SCG2: variants seen among roughly 807,000 people sequenced by gnomAD.
SCG2 encodes secretogranin-2.
In SCG2, 23 loss-of-function variants were observed where a neutral mutation model predicts 49.5. The observed-to-expected ratio is 0.46, with a 90% confidence interval of 0.33 to 0.66. The LOEUF (loss-of-function observed/expected upper bound fraction) is 0.66. Among genes scored for constraint, SCG2 ranks in the 30% least tolerant of loss-of-function variants. SCG2 has a pLI of 0.01. For synonymous variants in SCG2, 288 were observed against 260.4 expected (o/e 1.11, Z -1.02); for missense variants, 730 against 728.2 (o/e 1.00, Z -0.03).
Position 223,599,242 on chromosome 2 carries a change from G to C in SCG2, c.41C>G (p.Ser14Cys), listed in dbSNP as rs1164067326. Reference sequence around the variant, plus strand: ...GATGAGGAAAATTAAAGGGATAAGAGACAGGGCTGCTCCAAGCCAGTGGGT... The same window carrying C: ...GATGAGGAAAATTAAAGGGATAAGACACAGGGCTGCTCCAAGCCAGTGGGT... ...AKTHWLGAAL[S>C]LIPLIFLISG... The change falls in exon 2 of 2, where the codon TCT becomes TGT. Residue 14 changes from serine to cysteine, a missense_variant. Ser to Cys is a moderately radical substitution (Grantham distance 112, BLOSUM62 -1). Coordinates refer to ENST00000305409, the MANE Select transcript of SCG2 (RefSeq NM_003469.5). The C allele has an allele frequency of 6.2e-7, 1 of 1,601,680 alleles. No individual in the cohort carries two copies. Among genetic ancestry groups the C allele is most frequent in the South Asian group, 1.1e-5 (1 of 90,856 alleles).
In SCG2 at chr2:223,597,510, C is replaced by T; in HGVS notation, c.1773G>A (p.Met591Ile). 6.2e-7 allele frequency: 1 copy of T among 1,614,146 alleles called. No homozygotes were observed. Among genetic ancestry groups the T allele is most frequent in the Non-Finnish European group, 8.5e-7 (1 of 1,180,018 alleles). The change falls in exon 2 of 2, where the codon ATG becomes ATA. Residue 591 changes from methionine to isoleucine, a missense_variant. Physicochemically the swap from Met to Ile is conservative, Grantham distance 10. Transcript: ENST00000305409. Reference protein sequence around the residue: ...NRQYWDEDLLMKVLEYLNQEK... With the variant: ...NRQYWDEDLLIKVLEYLNQEK... ...CTTGGTTGAGGTATTCCAGCACTTT[C>T]ATTAACAGATCTTCATCCCAGTACT...
rs368874989 is a variant in SCG2, at chr2:223,597,813, T to A, written c.1470A>T (p.Arg490Ser). 23 of 1,614,098 alleles carry A rather than the reference T, an allele frequency of 1.4e-5. No individual in the cohort carries two copies. The Admixed American group carries it at 3.2e-4, about 22-fold the overall frequency. The change falls in exon 2 of 2, where the codon AGA becomes AGT. Residue 490 changes from arginine (R) to serine (S), a missense_variant. Physicochemically the swap from Arg to Ser is moderately radical, Grantham distance 110. Transcript: ENST00000305409. ...CGTTCAGGTTTTCATATGCCATCTGTCTGTTTTCAACATGTGGAATCCAGG... is the reference window on the plus strand; with the variant it reads ...CGTTCAGGTTTTCATATGCCATCTGACTGTTTTCAACATGTGGAATCCAGG... ...KAAWIPHVEN[R>S]QMAYENLNDK...
chr2:223,600,197 T>A (rs1020515621), intron 1 of SCG2, among the ~76,000 whole-genome samples: 1 of 152,182 alleles, frequency 6.6e-6, no homozygotes, highest in Admixed American at 6.5e-5. Flanking sequence ...AGAGAGAACA[T>A]AAGTTTTTTT....
At position 223,598,317 on chromosome 2, in the gene SCG2, T is replaced by A; in HGVS notation, c.966A>T (p.Gly322=). 6.2e-7 allele frequency: 1 copy of A among 1,614,084 alleles called. No individual in the cohort carries two copies. The highest frequency in any genetic ancestry group is 8.5e-7 in the Non-Finnish European group (1 of 1,180,036). The part of the protein sequence containing the change: ...AYLKRLVNAA[G]SGRLQNGQNG... ...TTTGCCCATTCTGTAACCTCCCACT[T>A]CCTGCAGCATTTACTAACCTTTTCA... Residue 322 remains glycine (G), a synonymous_variant, in exon 2 of 2, where the codon GGA becomes GGT. Coordinates refer to ENST00000305409, the MANE Select transcript of SCG2 (RefSeq NM_003469.5).
In SCG2 at chr2:223,597,123, A is replaced by C. The variant is rs560107093; in HGVS notation, c.*306T>G. ...CAATAGAATTATAGGACACTTTTTTATCATATGTGAGCATCAACAATGCCA... is the reference window on the plus strand; with the variant it reads ...CAATAGAATTATAGGACACTTTTTTCTCATATGTGAGCATCAACAATGCCA... On this transcript the variant is annotated 3_prime_UTR_variant, in exon 2 of 2. Transcript: ENST00000305409. The C allele has an allele frequency of 7.0e-4, 157 of 225,674 alleles. No individual in the cohort carries two copies. Among genetic ancestry groups the C allele is most frequent in the African/African-American group, 3.3e-3 (148 of 44,396 alleles). The allele number at this position is 225,674 out of a possible 1,614,324, so 14.0% of individuals were successfully genotyped here. A position where few individuals can be genotyped will look rare whatever the true frequency, so the allele number is the denominator to read the frequency against.
At position 223,598,432 on chromosome 2, in the gene SCG2, C is replaced by G; in HGVS notation, c.851G>C (p.Arg284Pro). The change falls in exon 2 of 2, where the codon CGC becomes CCC. Residue 284 changes from arginine to proline, a missense_variant. Arg to Pro is a moderately radical substitution (Grantham distance 103, BLOSUM62 -2). Transcript: ENST00000305409. ...KNEQINDEMK[R>P]SGQLGIQEED... ...TTCCTGGATGCCAAGCTGCCCTGAG[C>G]GTTTCATCTCATCGTTGATTTGTTC... The G allele has an allele frequency of 6.2e-7, 1 of 1,614,056 alleles. No individual in the cohort carries two copies. Among genetic ancestry groups the G allele is most frequent in the East Asian group, 2.2e-5 (1 of 44,884 alleles).
Position 223,597,838 on chromosome 2 carries a change from G to A in SCG2, c.1445C>T (p.Ala482Val). Residue 482 changes from alanine to valine, a missense_variant, in exon 2 of 2, where the codon GCC becomes GTC. Physicochemically the swap from Ala to Val is moderately conservative, Grantham distance 64 (BLOSUM62 0). Transcript: ENST00000305409. ...RSRSNQLPKAAWIPHVENRQM... is the reference protein window; with the variant it reads ...RSRSNQLPKAVWIPHVENRQM... ...TCTGTTTTCAACATGTGGAATCCAG[G>A]CAGCTTTGGGAAGCTGGTTCGATCT... 2 of 1,614,162 alleles carry A rather than the reference G, an allele frequency of 1.2e-6. No homozygotes were observed.
chr2:223,597,835 C>A lies in SCG2; in HGVS notation c.1448G>T (p.Trp483Leu). 6.2e-7 allele frequency: 1 copy of A among 1,614,150 alleles called. No homozygotes were observed. Among genetic ancestry groups the A allele is most frequent in the African/African-American group, 1.3e-5 (1 of 75,028 alleles). The change falls in exon 2 of 2, where the codon TGG (tryptophan) becomes TTG (leucine). Residue 483 changes from tryptophan to leucine, a missense_variant. Transcript: ENST00000305409. ...CTGTCTGTTTTCAACATGTGGAATC[C>A]AGGCAGCTTTGGGAAGCTGGTTCGA... ...SRSNQLPKAA[W>L]IPHVENRQMA...
Position 223,597,276 on chromosome 2 carries a change from T to C in SCG2, c.*153A>G. 1 of 891,276 alleles carries C rather than the reference T, an allele frequency of 1.1e-6. No homozygotes were observed. The highest frequency in any genetic ancestry group is 3.1e-5 in the Admixed American group (1 of 32,198). The allele number at this position is 891,276 out of a possible 1,614,324, so 55.2% of individuals were successfully genotyped here. Reference sequence around the variant, plus strand: ...ACACAAGATAACAGCTCAGAGGAAATGAAGCAGACTCCCCAGTGACCTGGT... The same window carrying C: ...ACACAAGATAACAGCTCAGAGGAAACGAAGCAGACTCCCCAGTGACCTGGT... On this transcript the variant is annotated 3_prime_UTR_variant, in exon 2 of 2. Coordinates refer to ENST00000305409, the MANE Select transcript of SCG2 (RefSeq NM_003469.5).
In SCG2 at chr2:223,597,567, C is replaced by T. The variant is rs1324786835; in HGVS notation, c.1716G>A (p.Gly572=). 2 of 1,614,124 alleles carry T rather than the reference C, an allele frequency of 1.2e-6. No individual in the cohort carries two copies. Among genetic ancestry groups the T allele is most frequent in the Non-Finnish European group, 1.7e-6 (2 of 1,180,020 alleles). ...LAPVSKRFPV[G]PPKNDDTPNR... ...TTGGGGTATCATCATTCTTCGGGGG[C>T]CCCACAGGGAACCTTTTGCTCACCG... Residue 572 remains glycine (G), a synonymous_variant, in exon 2 of 2, where the codon GGG becomes GGA. Transcript: ENST00000305409.
chr2:223,598,949 T>C lies in SCG2; in HGVS notation c.334A>G (p.Arg112Gly). Residue 112 changes from arginine to glycine, a missense_variant, in exon 2 of 2, where the codon AGA (arginine) becomes GGA (glycine). Transcript: ENST00000305409. ...TGTCTCAAAGCTTCGAGTATTATTC[T>C]CATCCAGTCTTCTTCACTCAGTGAA... ...RDSLSEEDWMRIILEALRQAE... is the reference protein window; with the variant it reads ...RDSLSEEDWMGIILEALRQAE... 2 of 1,614,214 alleles carry C rather than the reference T, an allele frequency of 1.2e-6. No individual in the cohort carries two copies. The highest frequency in any genetic ancestry group is 2.2e-5 in the South Asian group (2 of 91,082).
Position 223,597,555 on chromosome 2 carries a change from A to G in SCG2, c.1728T>C (p.Asn576=). ...AGTACTGCCTATTTGGGGTATCATC[A>G]TTCTTCGGGGGCCCCACAGGGAACC... ...SKRFPVGPPK[N]DDTPNRQYWD... Residue 576 remains asparagine, a synonymous_variant, in exon 2 of 2, where the codon AAT becomes AAC. Coordinates refer to ENST00000305409, the MANE Select transcript of SCG2 (RefSeq NM_003469.5). 6.2e-7 allele frequency: 1 copy of G among 1,614,090 alleles called. No individual in the cohort carries two copies. Among genetic ancestry groups the G allele is most frequent in the Non-Finnish European group, 8.5e-7 (1 of 1,180,012 alleles).
chr2:223,597,589 A>C lies in SCG2; in HGVS notation c.1694T>G (p.Val565Gly). 1 of 1,614,050 alleles carries C rather than the reference A, an allele frequency of 6.2e-7. No homozygotes were observed. Among genetic ancestry groups the C allele is most frequent in the Non-Finnish European group, 8.5e-7 (1 of 1,180,004 alleles). ...GGGCCCCACAGGGAACCTTTTGCTCACCGGGGCCAGCTTGTCAGTCTCCTG... is the reference window on the plus strand; with the variant it reads ...GGGCCCCACAGGGAACCTTTTGCTCCCCGGGGCCAGCTTGTCAGTCTCCTG... ...SSQETDKLAP[V>G]SKRFPVGPPK... Residue 565 changes from valine (V) to glycine (G), a missense_variant, in exon 2 of 2, where the codon GTG becomes GGG. Transcript: ENST00000305409.
chr2:223,597,651 C>A lies in SCG2; in HGVS notation c.1632G>T (p.Glu544Asp). The A allele has an allele frequency of 2.5e-6, 4 of 1,614,116 alleles. No homozygotes were observed. Among genetic ancestry groups the A allele is most frequent in the Non-Finnish European group, 3.4e-6 (4 of 1,180,008 alleles). The change falls in exon 2 of 2, where the codon GAG becomes GAT. Residue 544 changes from glutamate to aspartate, a missense_variant. Coordinates refer to ENST00000305409, the MANE Select transcript of SCG2 (RefSeq NM_003469.5). ...EDDLQEEEQIEQAIKEHLNQG... is the reference protein window; with the variant it reads ...EDDLQEEEQIDQAIKEHLNQG... ...GATTCAAATGCTCTTTGATGGCCTG[C>A]TCAATTTGTTCCTCTTCCTGCAGGT... is the stretch of plus-strand genomic sequence containing the variant.
At position 223,598,139 on chromosome 2, in the gene SCG2, C is replaced by T. The variant is rs940807371; in HGVS notation, c.1144G>A (p.Glu382Lys). The change falls in exon 2 of 2, where the codon GAG becomes AAG. Residue 382 changes from glutamate to lysine, a missense_variant. Transcript: ENST00000305409. ...TCAACAGGAAGGTCAAGCTCCCGCT[C>T]CGGTTCCACTGATCCATTCGGCTTC... The part of the protein sequence containing the change: ...GEKPNGSVEP[E>K]RELDLPVDLD... 1.1e-5 allele frequency: 18 copies of T among 1,612,354 alleles called. No homozygotes were observed. The highest frequency in any genetic ancestry group is 2.2e-5 in the South Asian group (2 of 90,932).
chr2:223,598,985 G>C lies in SCG2; in HGVS notation c.298C>G (p.Pro100Ala), dbSNP rs775137826. ...TCTTCACTCAGTGAATCCCTCTCGG[G>C]CAAGTGGCTTTCATCGCCATTTTCT... ...QKENGDESHL[P>A]ERDSLSEEDW... Residue 100 changes from proline to alanine, a missense_variant, in exon 2 of 2, where the codon CCC becomes GCC. Pro to Ala is a conservative substitution (Grantham distance 27). Transcript: ENST00000305409. 4 of 1,614,160 alleles carry C rather than the reference G, an allele frequency of 2.5e-6. No individual in the cohort carries two copies. The South Asian group carries it at 3.3e-5, about 13-fold the overall frequency.
Position 223,599,165 on chromosome 2 carries a change from G to C in SCG2, c.118C>G (p.Pro40Ala), listed in dbSNP as rs1691351623. 1.2e-6 allele frequency: 2 copies of C among 1,614,014 alleles called. No homozygotes were observed. Among genetic ancestry groups the C allele is most frequent in the East Asian group, 2.2e-5 (1 of 44,868 alleles). Residue 40 changes from proline (P) to alanine (A), a missense_variant, in exon 2 of 2, where the codon CCA becomes GCA. Physicochemically the swap from Pro to Ala is conservative, Grantham distance 27 (BLOSUM62 -1). Coordinates refer to ENST00000305409, the MANE Select transcript of SCG2 (RefSeq NM_003469.5). ...FQRNQLLQKE[P>A]DLRLENVQKF... ...TGGACATTTTCCAACCTGAGGTCTG[G>C]TTCTTTCTGAAGCAGCTGGTTTCTC...
intron 1 of SCG2, among the ~76,000 whole-genome samples, chr2:223,600,489 GA>G (rs1691373648): frequency 1.3e-5 from 2 of 152,170 alleles, no homozygotes; most frequent in South Asian, 2.1e-4. Context: ...TGCTAACATT[GA>G]AAAAACTATT....
In SCG2 at chr2:223,599,039, G is replaced by A. The variant is rs1391910480; in HGVS notation, c.244C>T (p.Gln82Ter). Residue 82 changes from glutamine to a stop codon, truncating the protein, a stop_gained, in exon 2 of 2, where the codon CAA (glutamine) becomes TAA (stop). Transcript: ENST00000305409. LOFTEE classifies it high-confidence loss of function. ...EESSPDYNPY[Q>*]GVSVPLQQKE... is the part of the protein sequence containing the mutation. Reference sequence around the variant, plus strand: ...TGCTGAAGGGGGACAGAGACACCTTGGTAGGGATTATAATCTGGGCTGCTT... The same window carrying A: ...TGCTGAAGGGGGACAGAGACACCTTAGTAGGGATTATAATCTGGGCTGCTT... 1 of 1,614,170 alleles carries A rather than the reference G, an allele frequency of 6.2e-7. No individual in the cohort carries two copies. The highest frequency in any genetic ancestry group is 1.3e-5 in the African/African-American group (1 of 75,040).
Sources: allele counts gnomAD v4.1 joint callset (sites outside exome capture counted in the v4.1 genomes callset), GRCh38; gene constraint gnomAD v4.1.1; transcripts MANE v1.5; gene names NCBI Gene and HGNC (gene_info 2026-07-23, HGNC 2026-07-21).